CNST: variants seen among roughly 807,000 people sequenced by gnomAD.
CNST encodes consortin.
A neutral mutation model predicts 72.4 loss-of-function variants in CNST; 39 were observed. The observed-to-expected ratio is 0.54, with a 90% CI of 0.42 to 0.70. CNST has a LOEUF of 0.70. Ranked by LOEUF, CNST falls within the 30% of genes least tolerant of loss-of-function variation. CNST has a pLI of 0.00. For missense variants in CNST, 871 were observed against 868.5 expected (o/e 1.00, Z -0.04); for synonymous variants, 332 against 320.1 (o/e 1.04, Z -0.40).
intron 1 of CNST, among the ~76,000 whole-genome samples, chr1:246,585,043 G>A (rs903036571): frequency 2.0e-5 from 3 of 152,176 alleles, no homozygotes; most frequent in African/African-American, 7.2e-5. Flanking sequence ...TTCAACCAGA[G>A]ATTAGATGAT....
At chr1:246,641,437 A>G (rs1665683095) in intron 6 of CNST, among the ~76,000 whole-genome samples, 1 of 152,226 alleles carries the variant, frequency 6.6e-6, no homozygotes, top group Non-Finnish European at 1.5e-5. Context: ...TTTTTAAAAT[A>G]TGTGTGTGTG....
At chr1:246,575,616 CA>C (rs1660353453) in intron 1 of CNST, among the ~76,000 whole-genome samples, 1 of 151,814 alleles carries the variant, frequency 6.6e-6, no homozygotes, top group African/African-American at 2.4e-5. Context: ...GTATGTAGGG[CA>C]GGGGGGATCT....
intron 1 of CNST, among the ~76,000 whole-genome samples, chr1:246,574,501 G>A (rs957914056): frequency 4.6e-5 from 7 of 152,108 alleles, no homozygotes; most frequent in Non-Finnish European, 7.4e-5. Flanking sequence ...TTATAGCTCC[G>A]TGCAGCCTCA....
chr1:246,609,791 G>A (rs979540566), intron 2 of CNST, among the ~76,000 whole-genome samples: 2 of 152,178 alleles, frequency 1.3e-5, no homozygotes, highest in African/African-American at 2.4e-5. Flanking sequence ...GGCGGTTTGA[G>A]GAATTCGGTT....
chr1:246,635,081 T>C (rs973791170), intron 6 of CNST, among the ~76,000 whole-genome samples: 19 of 151,044 alleles, frequency 1.3e-4, no homozygotes, highest in African/African-American at 4.6e-4. Flanking sequence ...GGAGGAGTTA[T>C]TCATCCCCCC....
At chr1:246,656,780 A>T (rs968444266) in intron 9 of CNST, among the ~76,000 whole-genome samples, 12 of 151,946 alleles carry the variant, frequency 7.9e-5, no homozygotes, top group African/African-American at 2.9e-4. Flanking sequence ...AATGCCAAAA[A>T]CATTAGCCAG....
At chr1:246,582,356 CTTTTTT>C (rs35015648) in intron 1 of CNST, among the ~76,000 whole-genome samples, 1 of 144,584 alleles carries the variant, frequency 6.9e-6, no homozygotes, top group South Asian at 2.2e-4. Context: ...CACCTCCATG[CTTTTTT>C]TTTTTTTTGA....
At chr1:246,570,372 A>G (rs182625524) in intron 1 of CNST, among the ~76,000 whole-genome samples, 45 of 152,332 alleles carry the variant, frequency 3.0e-4, no homozygotes, top group African/African-American at 1.0e-3. Flanking sequence ...CTGTGCTCTA[A>G]TAAACTTCCC....
chr1:246,575,167 T>C (rs1660325119), intron 1 of CNST, among the ~76,000 whole-genome samples: 1 of 152,094 alleles, frequency 6.6e-6, no homozygotes, highest in South Asian at 2.1e-4. Context: ...CTAATTTTTG[T>C]ATTTTCAGTA....
rs558976768 is a variant in CNST at position 246,613,826 on chromosome 1, T to G, written c.380-7603T>G. ...CTCCTGCCTCAGCCTCCCGAGTAGC[T>G]GGAACTACAGGTGCACACCACCATG... On this transcript the variant is annotated intron_variant, in intron 2 of 10. Transcript: ENST00000366513. Among the ~76,000 whole-genome samples the G allele has an allele frequency of 1.2e-4, 17 of 147,804 alleles. No homozygotes were observed. In the South Asian group the frequency reaches 3.6e-3, roughly 31 times the overall value.
intron 3 of CNST, among the ~76,000 whole-genome samples, chr1:246,623,262 C>A (rs1200777762): frequency 2.0e-5 from 3 of 152,128 alleles, no homozygotes; most frequent in Non-Finnish European, 4.4e-5. Flanking sequence ...CTGCAAGTGC[C>A]CAGCTTTACA....
intron 1 of CNST, among the ~76,000 whole-genome samples, chr1:246,586,444 G>T (rs1007160360): frequency 8.1e-5 from 12 of 147,670 alleles, no homozygotes; most frequent in Non-Finnish European, 1.6e-4. Context: ...ATATATGCAA[G>T]CTATATCTTA....
At chr1:246,582,603 A>T (rs1660871577) in intron 1 of CNST, among the ~76,000 whole-genome samples, 1 of 152,116 alleles carries the variant, frequency 6.6e-6, no homozygotes, top group Non-Finnish European at 1.5e-5. Flanking sequence ...TTCACAACAG[A>T]TAGTCTGAAA....
chr1:246,643,252 C>G (rs1323023166), intron 8 of CNST, among the ~76,000 whole-genome samples: 2 of 152,106 alleles, frequency 1.3e-5, no homozygotes, highest in African/African-American at 4.8e-5. Context: ...ATCTCCTTTT[C>G]ACTTCTGAAA....
chr1:246,626,119 G>A (rs1161000790), intron 3 of CNST, among the ~76,000 whole-genome samples: 5 of 150,948 alleles, frequency 3.3e-5, no homozygotes, highest in Non-Finnish European at 4.4e-5. Context: ...GCATCATCAC[G>A]GCTCACTGCA....
intron 1 of CNST, among the ~76,000 whole-genome samples, chr1:246,590,552 C>G (rs1428901098): frequency 6.6e-6 from 1 of 151,996 alleles, no homozygotes; most frequent in African/African-American, 2.4e-5. Flanking sequence ...TTATCTTGTA[C>G]TTTTCATGGT....
intron 10 of CNST, 21 bp from the exon 11 acceptor site, chr1:246,665,679 C>A: frequency 6.2e-7 from 1 of 1,603,274 alleles, no homozygotes; most frequent in Non-Finnish European, 8.5e-7. Flanking sequence ...AATGTAACCT[C>A]ACTCTTTCTC....
chr1:246,575,400 T>C (rs1036336589), intron 1 of CNST, among the ~76,000 whole-genome samples: 1 of 152,204 alleles, frequency 6.6e-6, no homozygotes, highest in African/African-American at 2.4e-5. Flanking sequence ...AGAAATGAAG[T>C]ATCAGTATAT....
At chr1:246,641,571 T>C (rs914607260) in intron 6 of CNST, among the ~76,000 whole-genome samples, 178 bp from the exon 7 acceptor site, 5 of 152,236 alleles carry the variant, frequency 3.3e-5, no homozygotes, top group African/African-American at 1.2e-4. Flanking sequence ...ACACATGATA[T>C]AGCTGCACTT....
Sources: gnomAD v4.1 joint callset for allele counts (sites outside exome capture counted in the v4.1 genomes callset) on GRCh38, gnomAD v4.1.1 for gene constraint, MANE v1.5 for transcripts, NCBI Gene and HGNC (gene_info 2026-07-23, HGNC 2026-07-21) for gene names.